Variants in ITFG1 observed in about 807,000 individuals in gnomAD.
ITFG1 encodes T-cell immunomodulatory protein.
In ITFG1, 34 loss-of-function variants were observed where a neutral mutation model predicts 81.8. That is an observed-to-expected ratio of 0.42 (90% confidence interval 0.32 to 0.55). ITFG1 has a LOEUF of 0.55. ITFG1 is among the 20% of genes least tolerant of loss of function. ITFG1 has a pLI of 0.17. For missense variants in ITFG1, 672 were observed against 755.4 expected (o/e 0.89, Z 1.29); for synonymous variants, 285 against 270.6 (o/e 1.05, Z -0.52).
At position 47,454,107 on chromosome 16, in the gene ITFG1, A is replaced by T; in HGVS notation, c.333T>A (p.Asp111Glu). ...ATGTCAGAAGGACATCCATTTGAGA[A>T]TCTCCATCATAATCCCCAGGGACTA... ...TSVVPGDYDG[D>E]SQMDVLLTYL... The change falls in exon 3 of 18, where the codon GAT (aspartate) becomes GAA (glutamate). Residue 111 changes from aspartate (D) to glutamate (E), a missense_variant. Asp to Glu is a conservative substitution (Grantham distance 45). Around this residue, in one of 3 missense-constraint regions of ITFG1, gnomAD observed 560 missense variants for 625.7 expected, o/e 0.90. Transcript: ENST00000320640. 1 of 1,606,842 alleles carries T rather than the reference A, an allele frequency of 6.2e-7. No individual in the cohort carries two copies. The highest frequency in any genetic ancestry group is 8.5e-7 in the Non-Finnish European group (1 of 1,173,792).
At chr16:47,211,501 A>C (rs1345938153) in intron 14 of ITFG1, among the ~76,000 whole-genome samples, 14 of 152,156 alleles carry the variant, frequency 9.2e-5, no homozygotes, top group Non-Finnish European at 1.9e-4. Context: ...CTTTGCTTTC[A>C]ACTTGGTTGC....
At chr16:47,200,403 C>G (rs1159658099) in intron 14 of ITFG1, among the ~76,000 whole-genome samples, 1 of 152,160 alleles carries the variant, frequency 6.6e-6, no homozygotes, top group African/African-American at 2.4e-5. Context: ...TTTGATAGCT[C>G]TCTTTACCCC....
intron 8 of ITFG1, among the ~76,000 whole-genome samples, chr16:47,353,009 T>C (rs1211500643): frequency 6.8e-6 from 1 of 146,894 alleles, no homozygotes; most frequent in Non-Finnish European, 1.5e-5. Context: ...AATTGAACAA[T>C]GAGAACAGTT....
intron 7 of ITFG1, among the ~76,000 whole-genome samples, chr16:47,372,041 T>C (rs1304571673): frequency 2.0e-5 from 3 of 151,842 alleles, no homozygotes; most frequent in Non-Finnish European, 2.9e-5. Flanking sequence ...AGCCCCCCAG[T>C]AGCTGGGACT....
chr16:47,394,166 G>A (rs565364989), intron 6 of ITFG1, among the ~76,000 whole-genome samples: 2 of 152,290 alleles, frequency 1.3e-5, no homozygotes, highest in South Asian at 4.1e-4. Context: ...GTTCACAAAA[G>A]ATTCACTGTG....
Position 47,162,634 on chromosome 16 carries a change from G to C in ITFG1, c.1484C>G (p.Ala495Gly). The change falls in exon 15 of 18, where the codon GCT becomes GGT. Residue 495 changes from alanine to glycine, a missense_variant. Physicochemically the swap from Ala to Gly is moderately conservative, Grantham distance 60. Coordinates refer to ENST00000320640, the MANE Select transcript of ITFG1 (RefSeq NM_030790.5). The stretch of plus-strand genomic sequence containing the variant: ...AAGCACGTTGTATGGTAGTTGGAGA[G>C]CTAAATGTGCGGATTGGCTGAGTTG... ...AGQLSQSAHL[A>G]LQLPYNVLGL... 6.2e-7 allele frequency: 1 copy of C among 1,607,942 alleles called. No individual in the cohort carries two copies. Among genetic ancestry groups the C allele is most frequent in the Non-Finnish European group, 8.5e-7 (1 of 1,177,112 alleles).
chr16:47,420,709 A>T (rs1449227482), intron 6 of ITFG1, among the ~76,000 whole-genome samples: 1 of 152,168 alleles, frequency 6.6e-6, no homozygotes, highest in Non-Finnish European at 1.5e-5. Context: ...TGTGCATATC[A>T]GCTCCCTTTC....
intron 14 of ITFG1, among the ~76,000 whole-genome samples, chr16:47,199,319 G>C (rs1012063704): frequency 6.7e-6 from 1 of 149,934 alleles, no homozygotes; most frequent in South Asian, 2.1e-4. Context: ...TTTAGTGTAG[G>C]TTAAGCATGC....
At chr16:47,202,677 C>A (rs1965441381) in intron 14 of ITFG1, among the ~76,000 whole-genome samples, 1 of 151,352 alleles carries the variant, frequency 6.6e-6, no homozygotes, top group South Asian at 2.1e-4. Flanking sequence ...TGCTCAACAA[C>A]AACAAAACAG....
At chr16:47,282,123 G>A (rs1966457327) in intron 10 of ITFG1, among the ~76,000 whole-genome samples, 2 of 150,424 alleles carry the variant, frequency 1.3e-5, no homozygotes, top group Admixed American at 6.6e-5. Context: ...TTGTACCCAC[G>A]TACAGTACAG....
chr16:47,218,122 T>C (rs1965647916), intron 14 of ITFG1: 1 of 152,300 alleles, frequency 6.6e-6, no homozygotes, highest in Non-Finnish European at 1.5e-5. Flanking sequence ...CATGGCAATG[T>C]CCATATAATG....
At chr16:47,321,967 CA>C (rs1347362223) in intron 8 of ITFG1, among the ~76,000 whole-genome samples, 6 of 152,014 alleles carry the variant, frequency 3.9e-5, no homozygotes, top group Non-Finnish European at 7.4e-5. Context: ...AAGGGATAAA[CA>C]ATTTCTTCAA....
chr16:47,255,855 T>C, intron 12 of ITFG1, among the ~76,000 whole-genome samples: 1 of 152,172 alleles, frequency 6.6e-6, no homozygotes, highest in Non-Finnish European at 1.5e-5. Context: ...CATTCTGAAA[T>C]GGATGGATGA....
chr16:47,278,301 T>C (rs1168572647), intron 10 of ITFG1, among the ~76,000 whole-genome samples: 2 of 152,272 alleles, frequency 1.3e-5, no homozygotes, highest in South Asian at 2.1e-4. Context: ...ATCAGAATAA[T>C]CTGAACAAAT....
chr16:47,174,307 C>A lies in ITFG1; in HGVS notation c.1454-11643G>T, dbSNP rs372880829. ...CTAGATATGAAGTATTAGATTCTAGCGCTAGAATACTCTAGCTCTGACATC... is the reference window on the plus strand; with the variant it reads ...CTAGATATGAAGTATTAGATTCTAGAGCTAGAATACTCTAGCTCTGACATC... On this transcript the variant is annotated intron_variant, in intron 14 of 17. Coordinates refer to ENST00000320640, the MANE Select transcript of ITFG1 (RefSeq NM_030790.5). Among the ~76,000 whole-genome samples, 5 of 151,988 alleles carry A rather than the reference C, an allele frequency of 3.3e-5. No individual in the cohort carries two copies. The East Asian group carries it at 7.7e-4, about 24-fold the overall frequency.
intron 13 of ITFG1, among the ~76,000 whole-genome samples, chr16:47,233,888 T>C (rs1449191225): frequency 6.6e-6 from 1 of 152,180 alleles, no homozygotes; most frequent in African/African-American, 2.4e-5. Flanking sequence ...TCATTATCTT[T>C]CATTTAAGAA....
intron 14 of ITFG1, among the ~76,000 whole-genome samples, chr16:47,174,900 G>A (rs1268063411): frequency 1.3e-5 from 2 of 152,086 alleles, no homozygotes; most frequent in Admixed American, 1.3e-4. Context: ...CTGAGTCAAG[G>A]AAAAATGATA....
intron 6 of ITFG1, among the ~76,000 whole-genome samples, chr16:47,396,953 G>T (rs1266519521): frequency 6.6e-6 from 1 of 152,174 alleles, no homozygotes; most frequent in Non-Finnish European, 1.5e-5. Flanking sequence ...CACCTAAAAT[G>T]ATGACAAGAG....
At chr16:47,422,126 C>A in intron 6 of ITFG1, among the ~76,000 whole-genome samples, 1 of 152,122 alleles carries the variant, frequency 6.6e-6, no homozygotes, top group South Asian at 2.1e-4. Context: ...GTGAACAGTG[C>A]CACAATAAAC....
Sources: gnomAD v4.1 joint callset for allele counts (sites outside exome capture counted in the v4.1 genomes callset) on GRCh38, gnomAD v4.1.1 for gene constraint, gnomAD v4.1.1 regional missense constraint, MANE v1.5 for transcripts, NCBI Gene and HGNC (gene_info 2026-07-23, HGNC 2026-07-21) for gene names.